The following FRMD4A variants were observed in gnomAD, a reference collection of about 807,000 sequenced individuals.
FRMD4A encodes the protein FERM domain containing 4A.
FRMD4A carries 29 observed loss-of-function variants against 129.1 expected under a neutral mutation model. That is an observed-to-expected ratio of 0.22 (90% CI 0.17 to 0.31). FRMD4A has a LOEUF of 0.31. Among genes scored for constraint, FRMD4A ranks in the 10% least tolerant of loss-of-function variants. FRMD4A has a pLI of 1.00. For synonymous variants in FRMD4A, 634 were observed against 571.6 expected (o/e 1.11, Z -1.56); for missense variants, 1,272 against 1,375.8 (o/e 0.92, Z 1.19).
intron 8 of FRMD4A, among the ~76,000 whole-genome samples, chr10:13,750,955 C>G (rs2091594622): frequency 6.6e-6 from 1 of 152,208 alleles, no homozygotes; most frequent in Non-Finnish European, 1.5e-5. Flanking sequence ...TCTTCTCTCC[C>G]TGCGTCATGG....
At chr10:14,199,958 T>A (rs1021783917) in intron 2 of FRMD4A, among the ~76,000 whole-genome samples, 1 of 150,616 alleles carries the variant, frequency 6.6e-6, no homozygotes, top group African/African-American at 2.4e-5. Flanking sequence ...TTTTGGTATA[T>A]GTTTACATTG....
Position 14,218,970 on chromosome 10 carries a change from AAAAAAAAAAAAAAAAAAAAAAAAAAG to A in FRMD4A, c.45+111062_45+111087del, listed in dbSNP as rs1843162160. On this transcript the variant is annotated intron_variant, in intron 2 of 24. Transcript: ENST00000357447. ...GACTTCATCTCAAAAAAAAAAAAAA[AAAAAAAAAAAAAAAAAAAAAAAAAAG>A]ATGTGTTTTAGCTATACACTTGGTA... is the stretch of plus-strand genomic sequence containing the variant. Among the ~76,000 whole-genome samples, 3 of 87,080 alleles carry A rather than the reference AAAAAAAAAAAAAAAAAAAAAAAAAAG, an allele frequency of 3.4e-5. No homozygotes were observed. In the South Asian group the frequency reaches 1.1e-3, roughly 31 times the overall value. 57.1% of individuals were successfully genotyped at this position (87,080 alleles called of 152,430 possible). A position where few individuals can be genotyped will look rare whatever the true frequency, so the allele number is the denominator to read the frequency against.
intron 2 of FRMD4A, among the ~76,000 whole-genome samples, chr10:14,305,974 C>T (rs1238895): frequency 0.18 from 27,346 of 151,884 alleles, 3,243 homozygotes; most frequent in African/African-American, 0.34. Context: ...ACCTATTTGG[C>T]GGATGGGCAG....
intron 2 of FRMD4A, among the ~76,000 whole-genome samples, chr10:14,057,177 T>C (rs1323162925): frequency 1.3e-5 from 2 of 152,248 alleles, no homozygotes; most frequent in African/African-American, 4.8e-5. Context: ...AATGTAATAT[T>C]GTCAATATAG....
chr10:14,277,730 T>C (rs4750502), intron 2 of FRMD4A, among the ~76,000 whole-genome samples: 41,129 of 152,100 alleles, frequency 0.27, 5,666 homozygotes, highest in Middle Eastern at 0.35. Flanking sequence ...TTACAGCCTC[T>C]CCACTCCTCA....
At chr10:14,199,664 A>G (rs1017521032) in intron 2 of FRMD4A, among the ~76,000 whole-genome samples, 8 of 152,196 alleles carry the variant, frequency 5.3e-5, no homozygotes, top group Admixed American at 2.6e-4. Flanking sequence ...AGCTGGAAGT[A>G]CAGGTGTGTG....
At chr10:13,743,985 T>C (rs571454282) in intron 9 of FRMD4A, among the ~76,000 whole-genome samples, 2 of 152,142 alleles carry the variant, frequency 1.3e-5, no homozygotes, top group East Asian at 3.9e-4. Flanking sequence ...CAGGGTTACA[T>C]GGAGGAAAAA....
chr10:14,039,407 CATCTATCT>C lies in FRMD4A; in HGVS notation c.46-180503_46-180496del, dbSNP rs1265069563. ...CCATCCATCCATCCATCCATCCATC[CATCTATCT>C]ATCTATCTATCTATCTATATTGGAA... On this transcript the variant is annotated intron_variant, in intron 2 of 24. Transcript: ENST00000357447. Among the ~76,000 whole-genome samples, 329 of 147,810 alleles carry C rather than the reference CATCTATCT, an allele frequency of 2.2e-3. 4 individuals are homozygous for C. Among genetic ancestry groups the C allele is most frequent in the African/African-American group, 7.6e-3 (296 of 38,698 alleles).
chr10:14,027,910 GAA>G (rs1401952050), intron 2 of FRMD4A, among the ~76,000 whole-genome samples: 1 of 152,214 alleles, frequency 6.6e-6, no homozygotes, highest in East Asian at 1.9e-4. Flanking sequence ...CATTAATCAT[GAA>G]TTCGGATTTT....
intron 2 of FRMD4A, among the ~76,000 whole-genome samples, chr10:14,231,871 T>C (rs1224175490): frequency 1.3e-5 from 2 of 152,214 alleles, no homozygotes; most frequent in Non-Finnish European, 2.9e-5. Context: ...TTCTCCCCAT[T>C]CTTTAGGTTG....
chr10:14,145,820 G>A (rs1429111965), intron 2 of FRMD4A, among the ~76,000 whole-genome samples: 1 of 152,232 alleles, frequency 6.6e-6, no homozygotes, highest in East Asian at 1.9e-4. Context: ...AACACTGGGG[G>A]CATGTTCACC....
At chr10:13,943,867 G>A (rs899416877) in intron 2 of FRMD4A, among the ~76,000 whole-genome samples, 1 of 150,562 alleles carries the variant, frequency 6.6e-6, no homozygotes, top group African/African-American at 2.4e-5. Context: ...GCTGTGGAAA[G>A]TCTGACTCAG....
chr10:14,126,258 C>A (rs577185759), intron 2 of FRMD4A, among the ~76,000 whole-genome samples: 2 of 149,326 alleles, frequency 1.3e-5, no homozygotes, highest in African/African-American at 5.0e-5. Flanking sequence ...GCAACCTCTG[C>A]CTCAAGGGTT....
chr10:13,669,014 T>C, intron 17 of FRMD4A, among the ~76,000 whole-genome samples: 1 of 151,196 alleles, frequency 6.6e-6, no homozygotes, highest in East Asian at 1.9e-4. Context: ...GTAAGGGCTA[T>C]GAGCTCCATT....
chr10:13,762,634 TA>T lies in FRMD4A; in HGVS notation c.430del (p.Tyr144IlefsTer16). 6.3e-7 allele frequency: 1 copy of T among 1,593,614 alleles called. No homozygotes were observed. Among genetic ancestry groups the T allele is most frequent in the Non-Finnish European group, 8.6e-7 (1 of 1,161,424 alleles). On this transcript the variant is annotated frameshift_variant, in exon 7 of 25. Coordinates refer to ENST00000357447, the MANE Select transcript of FRMD4A (RefSeq NM_018027.5). LOFTEE classifies it high-confidence loss of function. ...DSEVVFELAS[Y>X]ILQEAKGDFS... is the part of the protein sequence containing the mutation. The stretch of plus-strand genomic sequence containing the variant: ...AGAAAAACAACTTACCTGTAAAATA[TA>T]GGAAGCTAATTCAAACACCACTTCG...
intron 2 of FRMD4A, among the ~76,000 whole-genome samples, chr10:13,996,872 G>A (rs948710322): frequency 5.9e-5 from 9 of 152,118 alleles, no homozygotes; most frequent in East Asian, 1.9e-4. Context: ...TGCTCATTTC[G>A]GGCAGTTGAT....
intron 2 of FRMD4A, among the ~76,000 whole-genome samples, chr10:14,188,246 C>G (rs889065149): frequency 1.3e-5 from 2 of 152,190 alleles, no homozygotes; most frequent in African/African-American, 4.8e-5. Flanking sequence ...GCCTGCCTCT[C>G]CCCCTGTGCC....
chr10:14,117,502 G>T (rs1279384436), intron 2 of FRMD4A, among the ~76,000 whole-genome samples: 1 of 152,206 alleles, frequency 6.6e-6, no homozygotes, highest in East Asian at 1.9e-4. Flanking sequence ...GGGTCTCTGA[G>T]ATTCTCACTT....
intron 2 of FRMD4A, among the ~76,000 whole-genome samples, chr10:14,032,295 C>T (rs985843543): frequency 2.6e-5 from 4 of 152,192 alleles, no homozygotes; most frequent in Non-Finnish European, 5.9e-5. Context: ...AATGCAACTA[C>T]AACCAGAAAT....
Sources: allele counts gnomAD v4.1 joint callset (sites outside exome capture counted in the v4.1 genomes callset), GRCh38; gene constraint gnomAD v4.1.1; transcripts MANE v1.5; gene names NCBI Gene and HGNC (gene_info 2026-07-23, HGNC 2026-07-21).